The following ZNF12 variants were observed in gnomAD, a reference collection of about 807,000 sequenced individuals.
The protein encoded by ZNF12 is gonadotropin inducible transcription repressor 3.
ZNF12 carries 34 observed loss-of-function variants against 66.6 expected under a neutral mutation model. That is an observed-to-expected ratio of 0.51 (90% CI 0.39 to 0.68). ZNF12 has a LOEUF of 0.68. Ranked by LOEUF, ZNF12 falls within the 30% of genes least tolerant of loss-of-function variation. ZNF12 has a pLI of 0.00. For synonymous variants in ZNF12, 320 were observed against 278.9 expected (o/e 1.15, Z -1.47); for missense variants, 697 against 826.9 (o/e 0.84, Z 1.93).
chr7:6,694,660 CCAG>C (rs1217953014), intron 4 of ZNF12, among the ~76,000 whole-genome samples: 1 of 152,058 alleles, frequency 6.6e-6, no homozygotes, highest in Non-Finnish European at 1.5e-5. Context: ...TGATCAATGC[CCAG>C]CACATTTCAC....
rs756615376 is a variant in ZNF12, at chr7:6,706,770, T to C, written c.-389A>G. ...CCAGCGCCGTCGGCTCCGGGGGTCG[T>C]GCTCGGGGATCCCCGCTTGAGCCTC... On this transcript the variant is annotated 5_prime_UTR_variant, in exon 1 of 5. Transcript: ENST00000405858. 8.9e-5 allele frequency: 21 copies of C among 236,942 alleles called. No individual in the cohort carries two copies. Among genetic ancestry groups the C allele is most frequent in the Non-Finnish European group, 1.4e-4 (17 of 119,842 alleles). 14.7% of individuals were successfully genotyped at this position (236,942 alleles called of 1,614,324 possible).
chr7:6,691,790 A>G lies in ZNF12; in HGVS notation c.1152T>C (p.His384=), dbSNP rs755312415. ...TCTGCGAGAAGGTTTTCCCACAGTC[A>G]TGACAAACATAAGGTCTCTCTCCTG... ...THSGERPYVC[H]DCGKTFSQKS... is the part of the protein sequence containing the mutation. The change falls in exon 5 of 5, where the codon CAT becomes CAC. Residue 384 remains histidine (H), a synonymous_variant. Transcript: ENST00000405858. 5.0e-6 allele frequency: 8 copies of G among 1,613,908 alleles called. No individual in the cohort carries two copies. Among genetic ancestry groups the G allele is most frequent in the South Asian group, 2.2e-5 (2 of 91,088 alleles).
In ZNF12 at chr7:6,698,341, C is replaced by G. The variant is rs563244018; in HGVS notation, c.16-530G>C. Among the ~76,000 whole-genome samples the G allele has an allele frequency of 6.6e-6, 1 of 152,222 alleles. No individual in the cohort carries two copies. Among genetic ancestry groups the G allele is most frequent in the South Asian group, 2.1e-4 (1 of 4,814 alleles). On this transcript the variant is annotated intron_variant, in intron 2 of 4. Coordinates refer to ENST00000405858, the MANE Select transcript of ZNF12 (RefSeq NM_016265.4). This position sits in a 1 kb window ranked among gnomAD's most constrained non-coding sequence, Gnocchi z 4.4. ...GTACTTGCTGCTTTGATGGTGAGCC[C>G]TCTTCCTGGCTAATTTAATTACCAT...
At chr7:6,703,437 G>T (rs1780290151) in intron 2 of ZNF12, among the ~76,000 whole-genome samples, 1 of 152,150 alleles carries the variant, frequency 6.6e-6, no homozygotes, top group Admixed American at 6.5e-5. Context: ...TCTAGAATAT[G>T]ACATGTACAA....
At position 6,692,799 on chromosome 7, in the gene ZNF12, G is replaced by C; in HGVS notation, c.239-96C>G. 1 of 1,193,716 alleles carries C rather than the reference G, an allele frequency of 8.4e-7. No individual in the cohort carries two copies. The highest frequency in any genetic ancestry group is 1.2e-6 in the Non-Finnish European group (1 of 863,818). The allele number at this position is 1,193,716 out of a possible 1,614,324, so 73.9% of individuals were successfully genotyped here. On this transcript the variant is annotated intron_variant, in intron 4 of 4. Coordinates refer to ENST00000405858, the MANE Select transcript of ZNF12 (RefSeq NM_016265.4). This position sits in a 1 kb window ranked among gnomAD's most constrained non-coding sequence, Gnocchi z 5.1. ...GATTTGTACACACGCATCTCATTGT[G>C]AGTAGATGCTAGCTTCATGAACAGA...
rs1432935893 is a variant in ZNF12 at position 6,706,566 on chromosome 7, G to A, written c.-185C>T. ...GGCCGTTCTGCTCCAGAGGGGCCCG[G>A]GCCGGGCCTACGGGACAAATCCAGG... On this transcript the variant is annotated 5_prime_UTR_variant, in exon 1 of 5. Coordinates refer to ENST00000405858, the MANE Select transcript of ZNF12 (RefSeq NM_016265.4). The A allele has an allele frequency of 8.6e-6, 4 of 465,608 alleles. No individual in the cohort carries two copies. Among genetic ancestry groups the A allele is most frequent in the Non-Finnish European group, 1.7e-5 (4 of 233,686 alleles). The allele number at this position is 465,608 out of a possible 1,614,324, so 28.8% of individuals were successfully genotyped here.
At position 6,706,450 on chromosome 7, in the gene ZNF12, C is replaced by G. The variant is rs1780359057; in HGVS notation, c.-69G>C. 2.1e-6 allele frequency: 1 copy of G among 478,676 alleles called. No homozygotes were observed. Among genetic ancestry groups the G allele is most frequent in the Admixed American group, 2.2e-5 (1 of 45,428 alleles). 29.7% of individuals were successfully genotyped at this position (478,676 alleles called of 1,614,324 possible). On this transcript the variant is annotated 5_prime_UTR_variant, in exon 1 of 5. Coordinates refer to ENST00000405858, the MANE Select transcript of ZNF12 (RefSeq NM_016265.4). ...GACTTACCCTCCTGGGGCTCCGCAG[C>G]CTCTGCCCCACCGCTCCCGACAGGC...
intron 4 of ZNF12, among the ~76,000 whole-genome samples, chr7:6,693,554 T>C (rs942625739): frequency 6.6e-6 from 1 of 152,246 alleles, no homozygotes; most frequent in African/African-American, 2.4e-5. Context: ...TTGAACAGTA[T>C]ATTTAATAGC....
Position 6,705,111 on chromosome 7 carries a change from G to A in ZNF12, c.15+48C>T. The A allele has an allele frequency of 6.2e-7, 1 of 1,604,154 alleles. No individual in the cohort carries two copies. The highest frequency in any genetic ancestry group is 8.5e-7 in the Non-Finnish European group (1 of 1,173,854). On this transcript the variant is annotated intron_variant, in intron 2 of 4. Coordinates refer to ENST00000405858, the MANE Select transcript of ZNF12 (RefSeq NM_016265.4). This position sits in a 1 kb window ranked among gnomAD's most constrained non-coding sequence, Gnocchi z 4.0. ...TGAACCCTTAATCTCCTCCTAAGGT[G>A]TATTGTAAATCAGAGTAGAGAATAA...
At position 6,691,332 on chromosome 7, in the gene ZNF12, C is replaced by T. The variant is rs1780064538; in HGVS notation, c.1610G>A (p.Cys537Tyr). The change falls in exon 5 of 5, where the codon TGT becomes TAT. Residue 537 changes from cysteine to tyrosine, a missense_variant. Coordinates refer to ENST00000405858, the MANE Select transcript of ZNF12 (RefSeq NM_016265.4). ...GKTFYQNSAL[C>Y]RHRRIHKGEK... ...TCCTTTGTGTATTCTCCGATGTCTA[C>T]AAAGGGCTGAGTTCTGGTAGAAGGT... is the stretch of plus-strand genomic sequence containing the variant. The T allele has an allele frequency of 6.2e-7, 1 of 1,613,356 alleles. No homozygotes were observed. Among genetic ancestry groups the T allele is most frequent in the African/African-American group, 1.3e-5 (1 of 74,720 alleles).
Position 6,692,544 on chromosome 7 carries a change from A to G in ZNF12, c.398T>C (p.Ile133Thr), listed in dbSNP as rs1005786888. The change falls in exon 5 of 5, where the codon ATA becomes ACA. Residue 133 changes from isoleucine to threonine, a missense_variant. Physicochemically the swap from Ile to Thr is moderately conservative, Grantham distance 89 (BLOSUM62 -1). This residue lies in a region of ZNF12 where 241 missense variants were observed against 224.0 expected (regional missense o/e 1.08). Coordinates refer to ENST00000405858, the MANE Select transcript of ZNF12 (RefSeq NM_016265.4). This position sits in a 1 kb window ranked among gnomAD's most constrained non-coding sequence, Gnocchi z 5.1. ...VETNPVPSRKIAYKNSLCDSC... is the reference protein window; with the variant it reads ...VETNPVPSRKTAYKNSLCDSC... ...GTCACAGAGGCTATTTTTATAGGCT[A>G]TTTTTCTTGAAGGAACAGGGTTCGT... The G allele has an allele frequency of 6.2e-7, 1 of 1,613,770 alleles. No individual in the cohort carries two copies. Among genetic ancestry groups the G allele is most frequent in the African/African-American group, 1.3e-5 (1 of 75,034 alleles).
At position 6,697,869 on chromosome 7, in the gene ZNF12, T is replaced by A. The variant is rs1780176344; in HGVS notation, c.16-58A>T. On this transcript the variant is annotated intron_variant, in intron 2 of 4. Transcript: ENST00000405858. This position sits in a 1 kb window ranked among gnomAD's most constrained non-coding sequence, Gnocchi z 6.1. ...GTGAAATAGGCACATAGGTACAAGATCTTAGCATGCTCACTGGCAAAATTA... is the reference window on the plus strand; with the variant it reads ...GTGAAATAGGCACATAGGTACAAGAACTTAGCATGCTCACTGGCAAAATTA... 6.2e-7 allele frequency: 1 copy of A among 1,604,896 alleles called. No homozygotes were observed. Among genetic ancestry groups the A allele is most frequent in the Non-Finnish European group, 8.5e-7 (1 of 1,172,532 alleles).
In ZNF12 at chr7:6,706,717, C is replaced by T. The variant is rs1027004506; in HGVS notation, c.-336G>A. On this transcript the variant is annotated 5_prime_UTR_variant, in exon 1 of 5. Coordinates refer to ENST00000405858, the MANE Select transcript of ZNF12 (RefSeq NM_016265.4). Reference sequence around the variant, plus strand: ...CCCGCCGCCCCTTCGCCTCCGCCGTCGTCACCGCCCGGCCGGCCCCTTGGG... The same window carrying T: ...CCCGCCGCCCCTTCGCCTCCGCCGTTGTCACCGCCCGGCCGGCCCCTTGGG... The T allele has an allele frequency of 2.0e-5, 5 of 248,570 alleles. No individual in the cohort carries two copies. Among genetic ancestry groups the T allele is most frequent in the Non-Finnish European group, 3.9e-5 (5 of 127,182 alleles). 15.4% of individuals were successfully genotyped at this position (248,570 alleles called of 1,614,324 possible). A position where few individuals can be genotyped will look rare whatever the true frequency, so the allele number is the denominator to read the frequency against.
Position 6,705,215 on chromosome 7 carries a change from G to C in ZNF12, c.-42C>G. 1 of 1,613,348 alleles carries C rather than the reference G, an allele frequency of 6.2e-7. No homozygotes were observed. Among genetic ancestry groups the C allele is most frequent in the Non-Finnish European group, 8.5e-7 (1 of 1,179,554 alleles). On this transcript the variant is annotated 5_prime_UTR_variant, in exon 2 of 5. Coordinates refer to ENST00000405858, the MANE Select transcript of ZNF12 (RefSeq NM_016265.4). The surrounding 1 kb of genome is among the most constrained non-coding windows in gnomAD (Gnocchi z 4.0). ...AAAAATCTGGAGGACTGTGAAAGCG[G>C]AGGCAGATCTGGGGAAGGAAAACCC... is the stretch of plus-strand genomic sequence containing the variant.
Position 6,697,476 on chromosome 7 carries a change from T to C in ZNF12, c.143-42A>G, listed in dbSNP as rs1562600351. 1 of 1,585,422 alleles carries C rather than the reference T, an allele frequency of 6.3e-7. No homozygotes were observed. The highest frequency in any genetic ancestry group is 8.6e-7 in the Non-Finnish European group (1 of 1,160,614). The stretch of plus-strand genomic sequence containing the variant: ...AAAGAGAACTTGAGCCCAGGCCGGT[T>C]GGCTTCAGGGTCTCTGTCATACAGG... On this transcript the variant is annotated intron_variant, in intron 3 of 4. Coordinates refer to ENST00000405858, the MANE Select transcript of ZNF12 (RefSeq NM_016265.4). This position sits in a 1 kb window ranked among gnomAD's most constrained non-coding sequence, Gnocchi z 6.1.
Position 6,697,931 on chromosome 7 carries a change from A to G in ZNF12, c.16-120T>C. 1 of 1,149,994 alleles carries G rather than the reference A, an allele frequency of 8.7e-7. No homozygotes were observed. Among genetic ancestry groups the G allele is most frequent in the Non-Finnish European group, 1.3e-6 (1 of 765,268 alleles). The allele number at this position is 1,149,994 out of a possible 1,614,324, so 71.2% of individuals were successfully genotyped here. On this transcript the variant is annotated intron_variant, in intron 2 of 4. Coordinates refer to ENST00000405858, the MANE Select transcript of ZNF12 (RefSeq NM_016265.4). This position sits in a 1 kb window ranked among gnomAD's most constrained non-coding sequence, Gnocchi z 6.1. Reference sequence around the variant, plus strand: ...TGTATACCTTTATTTTATGTTACAGACTGTCAAAGGGAAACAAACATATCA... The same window carrying G: ...TGTATACCTTTATTTTATGTTACAGGCTGTCAAAGGGAAACAAACATATCA...
chr7:6,693,828 G>C (rs753508769), intron 4 of ZNF12, among the ~76,000 whole-genome samples: 3 of 152,172 alleles, frequency 2.0e-5, no homozygotes, highest in Admixed American at 6.5e-5. Context: ...TTCTCAGTGT[G>C]AGTGCTTTCC....
At chr7:6,704,725 C>T (rs1039520688) in intron 2 of ZNF12, among the ~76,000 whole-genome samples, 7 of 107,780 alleles carry the variant, frequency 6.5e-5, no homozygotes, top group South Asian at 3.0e-4. Flanking sequence ...GGTGACAGAG[C>T]GCAATACTTG....
intron 4 of ZNF12, among the ~76,000 whole-genome samples, chr7:6,693,889 C>T (rs752369319): frequency 6.6e-5 from 10 of 152,116 alleles, no homozygotes; most frequent in Non-Finnish European, 1.0e-4. Context: ...GATCCCTGGC[C>T]GGGCGTGGTA....
Sources: gnomAD v4.1 joint callset for allele counts (sites outside exome capture counted in the v4.1 genomes callset) on GRCh38, gnomAD v4.1.1 for gene constraint, gnomAD v4.1.1 regional missense constraint, Gnocchi (gnomAD v3.1) non-coding constraint, MANE v1.5 for transcripts, NCBI Gene and HGNC (gene_info 2026-07-23, HGNC 2026-07-21) for gene names.